The following BLNK variants were observed in gnomAD, a reference collection of about 807,000 sequenced individuals.
BLNK encodes B-cell linker protein.
In BLNK, 29 loss-of-function variants were observed where a neutral mutation model predicts 73.5. The ratio of observed to expected loss-of-function variants is 0.39; its 90% CI spans 0.29 to 0.54. The LOEUF (loss-of-function observed/expected upper bound fraction) is 0.54. BLNK is among the 20% of genes least tolerant of loss of function. The pLI is 0.61. For synonymous variants in BLNK, 176 were observed against 200.8 expected (o/e 0.88, Z 1.04); for missense variants, 460 against 562.8 (o/e 0.82, Z 1.85).
At chr10:96,248,923 T>TGA (rs2134098604) in intron 1 of BLNK, among the ~76,000 whole-genome samples, 1 of 152,296 alleles carries the variant, frequency 6.6e-6, no homozygotes, top group Admixed American at 6.5e-5. Flanking sequence ...ATCATTTGTA[T>TGA]TATCTGTGTT....
chr10:96,270,291 T>A (rs1844214386), intron 1 of BLNK, among the ~76,000 whole-genome samples: 1 of 152,234 alleles, frequency 6.6e-6, no homozygotes. Context: ...CAATCCAGAC[T>A]TTCTCTTAAA....
intron 3 of BLNK, among the ~76,000 whole-genome samples, chr10:96,242,320 G>C (rs1358256662): frequency 1.3e-5 from 2 of 152,212 alleles, no homozygotes; most frequent in Admixed American, 6.5e-5. Context: ...ATGTGGAACT[G>C]TGAGTCCATT....
At chr10:96,219,110 C>T (rs1248315464) in intron 6 of BLNK, among the ~76,000 whole-genome samples, 11 of 152,230 alleles carry the variant, frequency 7.2e-5, no homozygotes, top group African/African-American at 2.7e-4. Context: ...ATCTCTGCTT[C>T]GTCTCTGGCC....
At chr10:96,247,218 G>A (rs912956123) in intron 1 of BLNK, among the ~76,000 whole-genome samples, 169 bp from the exon 2 acceptor site, 95 of 152,302 alleles carry the variant, frequency 6.2e-4, no homozygotes, top group African/African-American at 2.1e-3. Context: ...CTACTTTAGC[G>A]AAGGAGAAGC....
In BLNK at chr10:96,237,541, T is replaced by C. The variant is rs587634806; in HGVS notation, c.163+5194A>G. 8.5e-5 allele frequency among the ~76,000 whole-genome samples: 13 copies of C among 152,222 alleles called. No individual in the cohort carries two copies. In the East Asian group the frequency reaches 2.5e-3, roughly 29 times the overall value. On this transcript the variant is annotated intron_variant, in intron 3 of 16. Transcript: ENST00000224337. Reference sequence around the variant, plus strand: ...TGTTCAGTTCTGACTCCTCAAGGACTTGTGGGGTAACCAATGGGGCATCTG... The same window carrying C: ...TGTTCAGTTCTGACTCCTCAAGGACCTGTGGGGTAACCAATGGGGCATCTG...
chr10:96,256,844 G>A (rs1694490302), intron 1 of BLNK, among the ~76,000 whole-genome samples: 2 of 130,050 alleles, frequency 1.5e-5, no homozygotes, highest in African/African-American at 5.9e-5. Flanking sequence ...TTGCACCACT[G>A]CACTCCAGCC....
At chr10:96,253,640 T>G (rs116943627) in intron 1 of BLNK, among the ~76,000 whole-genome samples, 1,553 of 152,314 alleles carry the variant, frequency 0.01, 15 homozygotes, top group Non-Finnish European at 0.017. Flanking sequence ...AAATTCCAGA[T>G]AGAGCCCAGC....
chr10:96,256,595 A>G (rs1314304014), intron 1 of BLNK, among the ~76,000 whole-genome samples: 1 of 152,034 alleles, frequency 6.6e-6, no homozygotes, highest in African/African-American at 2.4e-5. Flanking sequence ...AGAAAAAGAA[A>G]AAGGGCCGGG....
chr10:96,204,452 T>G, intron 12 of BLNK, 80 bp downstream of exon 12: 1 of 1,411,646 alleles, frequency 7.1e-7, no homozygotes, highest in South Asian at 1.2e-5. Flanking sequence ...CAAGTCAGTG[T>G]CACTGTGCAG....
At chr10:96,223,726 A>T in intron 6 of BLNK, 100 bp downstream of exon 6, 1 of 1,393,550 alleles carries the variant, frequency 7.2e-7, no homozygotes, top group Non-Finnish European at 1.0e-6. Flanking sequence ...AGTCAATAGC[A>T]GGTTGTAAAG....
chr10:96,201,393 A>G (rs998715281), intron 13 of BLNK, among the ~76,000 whole-genome samples: 1 of 152,256 alleles, frequency 6.6e-6, no homozygotes, highest in Non-Finnish European at 1.5e-5. Flanking sequence ...TACATTAAAG[A>G]GATTTACAAA....
intron 10 of BLNK, 138 bp downstream of exon 10, chr10:96,207,734 T>G: frequency 9.8e-7 from 1 of 1,019,406 alleles, no homozygotes; most frequent in Non-Finnish European, 1.5e-6. Context: ...AAGCTTCTCT[T>G]GGACTGCTTG....
intron 5 of BLNK, among the ~76,000 whole-genome samples, chr10:96,225,664 CAG>C (rs1251084230): frequency 7.0e-6 from 1 of 143,840 alleles, no homozygotes; most frequent in African/African-American, 2.7e-5. Context: ...TTTTTTGAGA[CAG>C]AGTTTCACTC....
At chr10:96,230,447 G>A (rs1170301272) in intron 4 of BLNK, among the ~76,000 whole-genome samples, 1 of 152,200 alleles carries the variant, frequency 6.6e-6, no homozygotes, top group Non-Finnish European at 1.5e-5. Flanking sequence ...GGGCACTGGG[G>A]AGTTTAGGGC....
At chr10:96,238,017 G>A (rs1842758866) in intron 3 of BLNK, among the ~76,000 whole-genome samples, 2 of 152,204 alleles carry the variant, frequency 1.3e-5, no homozygotes, top group African/African-American at 2.4e-5. Context: ...CCTTCCCACA[G>A]CAATGCCAGC....
intron 7 of BLNK, 116 bp from the exon 8 acceptor site, chr10:96,215,505 T>A (rs1452190478): frequency 7.3e-5 from 70 of 958,390 alleles, no homozygotes; most frequent in Non-Finnish European, 1.1e-4. Context: ...GACCAGAGAA[T>A]TTGCAAAGAA....
intron 3 of BLNK, among the ~76,000 whole-genome samples, chr10:96,238,635 T>A (rs587597193): frequency 1.3e-5 from 2 of 152,230 alleles, no homozygotes; most frequent in African/African-American, 4.8e-5. Context: ...CTGGAAATGC[T>A]CCTGGGATGT....
chr10:96,207,105 T>A (rs1554897599), intron 10 of BLNK, 52 bp from the exon 11 acceptor site: 1 of 1,481,006 alleles, frequency 6.8e-7, no homozygotes. Flanking sequence ...AATGTGGAAA[T>A]AAATGTCAGA....
At chr10:96,204,852 A>C (rs1375348045) in intron 11 of BLNK, 3 of 477,598 alleles carry the variant, frequency 6.3e-6, no homozygotes, top group Non-Finnish European at 1.2e-5. Context: ...CTCTGCATTC[A>C]TCCACTGGCA....
Sources: gnomAD v4.1 joint callset for allele counts (sites outside exome capture counted in the v4.1 genomes callset) on GRCh38, gnomAD v4.1.1 for gene constraint, MANE v1.5 for transcripts, NCBI Gene and HGNC (gene_info 2026-07-23, HGNC 2026-07-21) for gene names.